Variants in OXR1 observed in about 807,000 individuals in gnomAD.
The protein encoded by OXR1 is oxidation resistance 1, also known as oxidation resistance protein 1.
A neutral mutation model predicts 104.6 loss-of-function variants in OXR1; 41 were observed. That is an observed-to-expected ratio of 0.39 (90% CI 0.31 to 0.51). The LOEUF (loss-of-function observed/expected upper bound fraction) is 0.51, where lower values mean the gene tolerates loss of function less well. OXR1 is among the 20% of genes least tolerant of loss of function. The pLI is 0.77. For missense variants in OXR1, 955 were observed against 1,031.9 expected, an observed-to-expected ratio of 0.93 and a Z score of 1.02; for synonymous variants, 348 against 348.4, an observed-to-expected ratio of 1.00 and a Z score of 0.01.
intron 3 of OXR1, among the ~76,000 whole-genome samples, chr8:106,555,352 A>G (rs1013732559): frequency 9.2e-5 from 14 of 152,286 alleles, no homozygotes; most frequent in Middle Eastern, 3.4e-3. Context: ...CTCCCACTAA[A>G]AATCTACTGA....
intron 9 of OXR1, among the ~76,000 whole-genome samples, chr8:106,709,294 A>G (rs913360182): frequency 2.6e-5 from 4 of 152,064 alleles, no homozygotes; most frequent in East Asian, 1.9e-4. Flanking sequence ...ACCTTTTCCT[A>G]TGTGATTACA....
At chr8:106,358,952 G>A (rs36070952) in intron 1 of OXR1, among the ~76,000 whole-genome samples, 44,900 of 148,674 alleles carry the variant, frequency 0.3, 6,961 homozygotes, top group Admixed American at 0.38. Context: ...TTAATTCACC[G>A]TCTTATTTAG....
At chr8:106,694,754 A>G (rs183485504) in intron 7 of OXR1, among the ~76,000 whole-genome samples, 48,476 of 102,306 alleles carry the variant, frequency 0.47, 13,609 homozygotes, top group African/African-American at 0.68. Context: ...TTATATATTA[A>G]TATATATATT....
chr8:106,736,803 A>G (rs1057138753), intron 11 of OXR1, among the ~76,000 whole-genome samples: 1 of 152,164 alleles, frequency 6.6e-6, no homozygotes, highest in Non-Finnish European at 1.5e-5. Flanking sequence ...GTTAAATTTT[A>G]GTCACAAATA....
intron 1 of OXR1, among the ~76,000 whole-genome samples, chr8:106,294,070 G>T (rs1812875098): frequency 1.3e-5 from 2 of 148,504 alleles, no homozygotes; most frequent in African/African-American, 5.0e-5. Flanking sequence ...TAGGGTCACA[G>T]GGTATATTAG....
At chr8:106,531,521 C>A (rs756391258) in intron 3 of OXR1, among the ~76,000 whole-genome samples, 16 of 152,158 alleles carry the variant, frequency 1.1e-4, no homozygotes, top group Non-Finnish European at 1.9e-4. Flanking sequence ...TCTTAGTTTT[C>A]TGAGCTAGAG....
chr8:106,329,053 G>A (rs1056441785), intron 1 of OXR1, among the ~76,000 whole-genome samples: 4 of 152,036 alleles, frequency 2.6e-5, no homozygotes, highest in Non-Finnish European at 5.9e-5. Context: ...GTGCAGTGGT[G>A]CGATCTCTGC....
At chr8:106,448,549 A>G (rs923680270) in intron 2 of OXR1, among the ~76,000 whole-genome samples, 1 of 152,196 alleles carries the variant, frequency 6.6e-6, no homozygotes, top group African/African-American at 2.4e-5. Flanking sequence ...ATTACTTGAA[A>G]AAAACAAAAT....
chr8:106,334,807 C>T (rs1266827363), intron 1 of OXR1, among the ~76,000 whole-genome samples: 1 of 152,156 alleles, frequency 6.6e-6, no homozygotes, highest in African/African-American at 2.4e-5. Context: ...TTCTTTCTGT[C>T]CTCCAGCTTA....
intron 3 of OXR1, among the ~76,000 whole-genome samples, chr8:106,549,791 T>C (rs1815661934): frequency 6.6e-6 from 1 of 152,182 alleles, no homozygotes; most frequent in South Asian, 2.1e-4. Context: ...TCATCATGGC[T>C]CTGCTCTCAG....
At chr8:106,491,416 T>C (rs889095580) in intron 2 of OXR1, among the ~76,000 whole-genome samples, 5 of 152,342 alleles carry the variant, frequency 3.3e-5, no homozygotes, top group African/African-American at 1.2e-4. Context: ...ATGTTGTTTT[T>C]CCTTGTTTTT....
chr8:106,434,218 G>C (rs540800166), intron 2 of OXR1, among the ~76,000 whole-genome samples: 20 of 152,138 alleles, frequency 1.3e-4, no homozygotes, highest in Non-Finnish European at 1.8e-4. Flanking sequence ...GTTTGTGTGA[G>C]CATGTATAGC....
intron 2 of OXR1, among the ~76,000 whole-genome samples, chr8:106,471,228 C>T (rs1821476142): frequency 6.6e-6 from 1 of 151,218 alleles, no homozygotes; most frequent in African/African-American, 2.4e-5. Flanking sequence ...GAGCAATGGG[C>T]TTGAATAGAT....
At chr8:106,303,513 C>T (rs1038879973) in intron 1 of OXR1, among the ~76,000 whole-genome samples, 3 of 151,962 alleles carry the variant, frequency 2.0e-5, no homozygotes, top group African/African-American at 7.3e-5. Context: ...GCTGGGATTA[C>T]AGGTGTGAGC....
chr8:106,334,236 T>G (rs1459789921), intron 1 of OXR1, among the ~76,000 whole-genome samples: 1 of 152,234 alleles, frequency 6.6e-6, no homozygotes, highest in Admixed American at 6.5e-5. Context: ...AAATGAAGTT[T>G]TTTTTAAATT....
At chr8:106,467,857 A>G (rs903748476) in intron 2 of OXR1, among the ~76,000 whole-genome samples, 3 of 151,938 alleles carry the variant, frequency 2.0e-5, no homozygotes, top group East Asian at 3.9e-4. Flanking sequence ...CATAATTTCA[A>G]GTATCCAAAT....
intron 2 of OXR1, among the ~76,000 whole-genome samples, chr8:106,467,500 G>A (rs555297536): frequency 5.9e-4 from 90 of 151,932 alleles, no homozygotes; most frequent in African/African-American, 2.2e-3. Flanking sequence ...CTAAGTCCTT[G>A]CTTCTGGCCT....
chr8:106,413,724 C>CCT, intron 2 of OXR1, among the ~76,000 whole-genome samples: 1 of 73,508 alleles, frequency 1.4e-5, no homozygotes. Context: ...GCTGTATCTA[C>CCT]TTTTTTTTTT....
intron 2 of OXR1, among the ~76,000 whole-genome samples, chr8:106,494,717 A>T (rs1441296579): frequency 6.6e-6 from 1 of 152,204 alleles, no homozygotes; most frequent in Non-Finnish European, 1.5e-5. Context: ...CCAGTTCAGT[A>T]GGTGTAGAAT....
Sources: allele counts gnomAD v4.1 joint callset (sites outside exome capture counted in the v4.1 genomes callset), GRCh38; gene constraint gnomAD v4.1.1; transcripts MANE v1.5; gene names NCBI Gene and HGNC (gene_info 2026-07-23, HGNC 2026-07-21).